The following UNC5C variants were observed in gnomAD, a reference collection of about 807,000 sequenced individuals.
UNC5C encodes unc-5 netrin receptor C.
Under a neutral mutation model 99.8 loss-of-function variants are expected in UNC5C, and 47 were observed. The ratio of observed to expected loss-of-function variants is 0.47; its 90% confidence interval spans 0.37 to 0.60. The LOEUF (loss-of-function observed/expected upper bound fraction) is 0.60, where lower values mean the gene tolerates loss of function less well. Among genes scored for constraint, UNC5C ranks in the 20% least tolerant of loss-of-function variants. The probability of loss-of-function intolerance (pLI) is 0.00; values close to 1 mark genes in which losing one functional copy is unlikely to be tolerated. For missense variants in UNC5C, 1,062 were observed against 1,165.9 expected, an observed-to-expected ratio of 0.91 and a Z score of 1.30; for synonymous variants, 487 against 452.2, an observed-to-expected ratio of 1.08 and a Z score of -0.98.
intron 1 of UNC5C, among the ~76,000 whole-genome samples, chr4:95,545,772 GCACACACACACA>G (rs3975180): frequency 4.0e-5 from 6 of 148,316 alleles, no homozygotes; most frequent in African/African-American, 1.5e-4. Context: ...GCGCGCGCGC[GCACACACACACA>G]CACACACACA....
Position 95,218,972 on chromosome 4 carries a change from A to C in UNC5C, c.1642T>G (p.Ser548Ala), listed in dbSNP as rs1238474243. The change falls in exon 9 of 16, where the codon TCA becomes GCA. Residue 548 changes from serine to alanine, a missense_variant. By Grantham distance (99) the Ser-to-Ala change is moderately conservative (BLOSUM62 1). Transcript: ENST00000453304. Reference protein sequence around the residue: ...SLGGHLIVPNSGVSLLIPAGA... With the variant: ...SLGGHLIVPNAGVSLLIPAGA... ...AATTTAAACCTCTAGGAATTACCTGAATTGGGAACAATAAGGTGACCTCCC... is the reference window on the plus strand; with the variant it reads ...AATTTAAACCTCTAGGAATTACCTGCATTGGGAACAATAAGGTGACCTCCC... 1 of 1,597,228 alleles carries C rather than the reference A, an allele frequency of 6.3e-7. No homozygotes were observed. The highest frequency in any genetic ancestry group is 1.1e-5 in the South Asian group (1 of 89,442).
intron 2 of UNC5C, among the ~76,000 whole-genome samples, chr4:95,308,660 G>A (rs1015156705): frequency 2.1e-5 from 3 of 144,502 alleles, no homozygotes; most frequent in Non-Finnish European, 4.5e-5. Context: ...GGCTGAGGCA[G>A]AGAATTGCTT....
chr4:95,327,191 C>A (rs949772478), intron 2 of UNC5C, among the ~76,000 whole-genome samples: 1 of 152,122 alleles, frequency 6.6e-6, no homozygotes, highest in African/African-American at 2.4e-5. Flanking sequence ...ACCCCCCAAC[C>A]TCCACCCCTA....
At chr4:95,206,844 A>G (rs2149362464) in intron 10 of UNC5C, 48 bp from the exon 11 acceptor site, 1 of 1,459,336 alleles carries the variant, frequency 6.9e-7, no homozygotes, top group South Asian at 1.4e-5. Flanking sequence ...CATTGTATTC[A>G]TGAACTATGC....
At chr4:95,383,711 C>T (rs1303144626) in intron 1 of UNC5C, among the ~76,000 whole-genome samples, 1 of 152,144 alleles carries the variant, frequency 6.6e-6, no homozygotes, top group Non-Finnish European at 1.5e-5. Context: ...TTAATCATTG[C>T]ATTCAAGACA....
chr4:95,409,037 T>A (rs1489099259), intron 1 of UNC5C, among the ~76,000 whole-genome samples: 1 of 152,220 alleles, frequency 6.6e-6, no homozygotes, highest in Non-Finnish European at 1.5e-5. Context: ...AAGTTAGTTT[T>A]TTTAAATAAC....
chr4:95,215,132 G>A (rs983904586), intron 10 of UNC5C, among the ~76,000 whole-genome samples: 5 of 152,200 alleles, frequency 3.3e-5, no homozygotes, highest in African/African-American at 1.2e-4. Flanking sequence ...TTTATGGCTA[G>A]TGAAGAACAA....
intron 1 of UNC5C, among the ~76,000 whole-genome samples, chr4:95,363,876 A>C (rs755997881): frequency 1.3e-5 from 2 of 152,162 alleles, no homozygotes; most frequent in Non-Finnish European, 2.9e-5. Context: ...GCTTGGGGCA[A>C]TTGGCCTACC....
chr4:95,496,685 AATTTTT>A (rs1361825743), intron 1 of UNC5C, among the ~76,000 whole-genome samples: 3 of 139,098 alleles, frequency 2.2e-5, no homozygotes, highest in Non-Finnish European at 3.0e-5. Context: ...GTACTTTTTT[AATTTTT>A]ATTTTTATTT....
In UNC5C at chr4:95,182,969, C is replaced by T. The variant is rs149103034; in HGVS notation, c.2379G>A (p.Leu793=). The T allele has an allele frequency of 6.2e-7, 1 of 1,613,912 alleles. No homozygotes were observed. The highest frequency in any genetic ancestry group is 1.1e-5 in the South Asian group (1 of 91,066). Residue 793 remains leucine (L), a synonymous_variant, in exon 14 of 16, where the codon CTG becomes CTA. Transcript: ENST00000453304. The part of the protein sequence containing the change: ...LERFSLNTVE[L]VCKLCVRQVE... Reference sequence around the variant, plus strand: ...CCTGCCGCACACAGAGTTTGCAAACCAGCTCCACTGTGTTCAGGCTAAATC... The same window carrying T: ...CCTGCCGCACACAGAGTTTGCAAACTAGCTCCACTGTGTTCAGGCTAAATC...
intron 12 of UNC5C, among the ~76,000 whole-genome samples, chr4:95,197,904 G>GT (rs1451659789): frequency 1.3e-5 from 2 of 151,534 alleles, no homozygotes; most frequent in East Asian, 3.9e-4. Flanking sequence ...GTGGAAGCGA[G>GT]TTTGCTGCCC....
chr4:95,351,560 C>T (rs933418277), intron 1 of UNC5C, among the ~76,000 whole-genome samples: 5 of 152,038 alleles, frequency 3.3e-5, no homozygotes, highest in Admixed American at 3.3e-4. Context: ...TGGCTCATGC[C>T]TGTAATCCTG....
At chr4:95,415,476 A>T (rs1002001310) in intron 1 of UNC5C, among the ~76,000 whole-genome samples, 1 of 152,162 alleles carries the variant, frequency 6.6e-6, no homozygotes, top group Non-Finnish European at 1.5e-5. Context: ...AAGAAAACCA[A>T]CCAAAGAAGC....
intron 1 of UNC5C, among the ~76,000 whole-genome samples, chr4:95,519,956 G>A (rs1722308306): frequency 2.6e-5 from 4 of 152,200 alleles, no homozygotes; most frequent in Admixed American, 1.3e-4. Context: ...GACATTCAGT[G>A]CCTGAACCAC....
rs182911909 is a variant in UNC5C at position 95,415,863 on chromosome 4, T to C, written c.125-80232A>G. Among the ~76,000 whole-genome samples the C allele has an allele frequency of 2.3e-4, 35 of 152,186 alleles. No individual in the cohort carries two copies. The East Asian group carries it at 4.1e-3, about 18-fold the overall frequency. The stretch of plus-strand genomic sequence containing the variant: ...TCCTATCATTCTAAACAAAGATCTT[T>C]ACTTTGAGACCACATTTCAAGTGCC... On this transcript the variant is annotated intron_variant, in intron 1 of 15. Transcript: ENST00000453304.
intron 5 of UNC5C, 27 bp from the exon 6 acceptor site, chr4:95,245,171 G>A (rs755470250): frequency 3.1e-6 from 5 of 1,602,656 alleles, no homozygotes; most frequent in Non-Finnish European, 4.3e-6. Flanking sequence ...AGTAAAAAGT[G>A]GATTAAACAT....
At chr4:95,281,002 A>G (rs1741037469) in intron 3 of UNC5C, among the ~76,000 whole-genome samples, 3 of 152,178 alleles carry the variant, frequency 2.0e-5, no homozygotes, top group Admixed American at 6.5e-5. Context: ...ATAAAATTTG[A>G]TGAAACACCA....
At chr4:95,381,917 A>G (rs1041709818) in intron 1 of UNC5C, among the ~76,000 whole-genome samples, 1 of 152,182 alleles carries the variant, frequency 6.6e-6, no homozygotes, top group Admixed American at 6.5e-5. Flanking sequence ...AGGTGTGTGT[A>G]TGGGGCAGTT....
intron 1 of UNC5C, among the ~76,000 whole-genome samples, chr4:95,467,133 C>A (rs558612700): frequency 2.2e-4 from 34 of 152,226 alleles, no homozygotes; most frequent in Admixed American, 5.9e-4. Flanking sequence ...TGGCTCTGGC[C>A]CCTGCTGACA....
Sources: gnomAD v4.1 joint callset for allele counts (sites outside exome capture counted in the v4.1 genomes callset) on GRCh38, gnomAD v4.1.1 for gene constraint, MANE v1.5 for transcripts, NCBI Gene and HGNC (gene_info 2026-07-23, HGNC 2026-07-21) for gene names.